Variants in GLI2 observed in about 807,000 individuals in gnomAD.
The protein encoded by GLI2 is GLI family zinc finger 2.
In GLI2, 22 loss-of-function variants were observed where a neutral mutation model predicts 78.9. The ratio of observed to expected loss-of-function variants is 0.28; its 90% confidence interval spans 0.20 to 0.40. The LOEUF is 0.40. Ranked by LOEUF, GLI2 falls within the 10% of genes least tolerant of loss-of-function variation. The probability of loss-of-function intolerance (pLI) is 1.00; values close to 1 mark genes in which losing one functional copy is unlikely to be tolerated. For missense variants in GLI2, 2,097 were observed against 2,213.2 expected, an observed-to-expected ratio of 0.95 and a Z score of 1.05; for synonymous variants, 974 against 963.7, an observed-to-expected ratio of 1.01 and a Z score of -0.20.
rs1377543105 is a variant in GLI2, at chr2:120,797,401, C to T, written c.81C>T (p.Asp27=). The change falls in exon 2 of 14, where the codon GAC becomes GAT. Residue 27 remains aspartate, a synonymous_variant. Coordinates refer to ENST00000361492, the MANE Select transcript of GLI2 (RefSeq NM_001374353.1). ...SGILEAAGFP[D]PGKKASPLVV... ...TCCTGGAGGCCGCTGGCTTCCCCGA[C>T]CCGGGTAAAAAGGCCTCTCCTTTGG... 1.9e-6 allele frequency: 3 copies of T among 1,613,834 alleles called. No homozygotes were observed. The highest frequency in any genetic ancestry group is 2.2e-5 in the East Asian group (1 of 44,874).
intron 2 of GLI2, among the ~76,000 whole-genome samples, chr2:120,854,121 G>T (rs1003423863): frequency 3.9e-5 from 6 of 152,190 alleles, no homozygotes; most frequent in African/African-American, 1.4e-4. Flanking sequence ...AGCCAAGAGT[G>T]TAGGAGTTAC....
At chr2:120,767,800 C>T (rs534215607) in intron 1 of GLI2, among the ~76,000 whole-genome samples, 9 of 152,358 alleles carry the variant, frequency 5.9e-5, no homozygotes, top group African/African-American at 1.9e-4. Flanking sequence ...TTGGCAAGTT[C>T]TTTGCCTGTC....
chr2:120,834,592 G>A lies in GLI2; in HGVS notation c.148+37124G>A, dbSNP rs1042065001. 2.6e-5 allele frequency among the ~76,000 whole-genome samples: 4 copies of A among 152,156 alleles called. No homozygotes were observed. In the South Asian group the frequency reaches 6.2e-4, roughly 24 times the overall value. ...GAGGGGCTGCCTTCCCTCAGTCATC[G>A]AAGCCCCAGATGTGAGAACATTAGA... On this transcript the variant is annotated intron_variant, in intron 2 of 13. Transcript: ENST00000361492.
At chr2:120,930,632 G>C (rs1490894147) in intron 3 of GLI2, among the ~76,000 whole-genome samples, 1 of 152,248 alleles carries the variant, frequency 6.6e-6, no homozygotes, top group Non-Finnish European at 1.5e-5. Context: ...CTGGGAGTCT[G>C]TTGTGGGTAC....
Position 120,990,707 on chromosome 2 carries a change from G to T in GLI2, c.*32G>T. The T allele has an allele frequency of 6.3e-7, 1 of 1,581,046 alleles. No homozygotes were observed. ...GAGCGCCTGGTGCTGAGTGCACCCG[G>T]AGGGGTCATCGCTGCCCAGAGCCTG... On this transcript the variant is annotated 3_prime_UTR_variant, in exon 14 of 14. Coordinates refer to ENST00000361492, the MANE Select transcript of GLI2 (RefSeq NM_001374353.1).
intron 2 of GLI2, among the ~76,000 whole-genome samples, chr2:120,894,208 C>T (rs1472417770): frequency 6.6e-6 from 1 of 152,240 alleles, no homozygotes; most frequent in African/African-American, 2.4e-5. Flanking sequence ...TGGTTCTTCC[C>T]AAGCAATTGT....
chr2:120,886,837 G>T (rs781126785), intron 2 of GLI2, among the ~76,000 whole-genome samples: 30 of 152,230 alleles, frequency 2.0e-4, no homozygotes, highest in Non-Finnish European at 3.4e-4. Flanking sequence ...CCTTGCTGAG[G>T]CAGGAGACCC....
intron 2 of GLI2, among the ~76,000 whole-genome samples, chr2:120,911,684 A>G (rs554242723): frequency 1.3e-5 from 2 of 152,196 alleles, no homozygotes; most frequent in South Asian, 4.2e-4. Flanking sequence ...TCGTTGACTC[A>G]GAGGAAATGG....
chr2:120,952,632 G>A (rs772700828), intron 4 of GLI2, among the ~76,000 whole-genome samples: 3 of 152,222 alleles, frequency 2.0e-5, no homozygotes, highest in Non-Finnish European at 2.9e-5. Flanking sequence ...TAGCCAGGGG[G>A]CTTGAAAATG....
chr2:120,758,441 C>G (rs1683102374), intron 1 of GLI2, among the ~76,000 whole-genome samples: 1 of 152,214 alleles, frequency 6.6e-6, no homozygotes, highest in African/African-American at 2.4e-5. Context: ...CTGGCTTCCT[C>G]CCCCTGACCG....
At chr2:120,793,927 C>T (rs1490754770) in intron 1 of GLI2, among the ~76,000 whole-genome samples, 1 of 152,228 alleles carries the variant, frequency 6.6e-6, no homozygotes, top group Non-Finnish European at 1.5e-5. Flanking sequence ...GGGGCCTCAG[C>T]TTCCTCCCCT....
At chr2:120,815,175 C>T (rs915524629) in intron 2 of GLI2, among the ~76,000 whole-genome samples, 11 of 152,102 alleles carry the variant, frequency 7.2e-5, no homozygotes, top group Non-Finnish European at 1.0e-4. Context: ...TCTTGCTGAC[C>T]GCTGTAAAGA....
chr2:120,817,606 T>C (rs1383866048), intron 2 of GLI2, among the ~76,000 whole-genome samples: 1 of 152,148 alleles, frequency 6.6e-6, no homozygotes, highest in Non-Finnish European at 1.5e-5. Context: ...TTGTCCTGAG[T>C]GCTCTTCTCT....
At position 120,928,919 on chromosome 2, in the gene GLI2, C is replaced by G. The variant is rs186456361; in HGVS notation, c.254+1453C>G. Among the ~76,000 whole-genome samples the G allele has an allele frequency of 3.7e-3, 560 of 152,338 alleles. 12 individuals carry two copies. The highest frequency in any genetic ancestry group is 5.2e-3 in the East Asian group (27 of 5,196). On this transcript the variant is annotated intron_variant, in intron 3 of 13. Coordinates refer to ENST00000361492, the MANE Select transcript of GLI2 (RefSeq NM_001374353.1). ...CTCTTCACTCACCCACAGAGCTTAT[C>G]CAGATTTGCTCAGTTGCCCACTAGT...
At chr2:120,773,839 G>A (rs1280285947) in intron 1 of GLI2, among the ~76,000 whole-genome samples, 1 of 152,010 alleles carries the variant, frequency 6.6e-6, no homozygotes, top group African/African-American at 2.4e-5. Flanking sequence ...GGAGCTTGCT[G>A]GGTTGTGCCT....
rs1304344797 is a variant in GLI2 at position 120,735,880 on chromosome 2, C to T, written c.-436C>T. Among the ~76,000 whole-genome samples, 1 of 151,910 alleles carries T rather than the reference C, an allele frequency of 6.6e-6. No individual in the cohort carries two copies. The highest frequency in any genetic ancestry group is 6.6e-5 in the Admixed American group (1 of 15,258). ...GCAGTCCGGCGGCGCTGATGGATTG[C>T]AGAAGTGCCGGCGCTTGCCAGCCGA... is the stretch of plus-strand genomic sequence containing the variant. On this transcript the variant is annotated 5_prime_UTR_variant, in exon 1 of 14. Transcript: ENST00000361492.
intron 1 of GLI2, among the ~76,000 whole-genome samples, chr2:120,788,374 C>G (rs1443152231): frequency 6.6e-6 from 1 of 152,214 alleles, no homozygotes; most frequent in Non-Finnish European, 1.5e-5. Flanking sequence ...CTCGGTAGAG[C>G]AGAGGGAAGA....
chr2:120,932,321 C>G (rs1421453226), intron 3 of GLI2, among the ~76,000 whole-genome samples: 4 of 152,180 alleles, frequency 2.6e-5, no homozygotes, highest in Non-Finnish European at 4.4e-5. Context: ...GTGCCCGCCC[C>G]TCAGCCCTTG....
At chr2:120,890,484 C>A (rs1474522539) in intron 2 of GLI2, among the ~76,000 whole-genome samples, 1 of 152,088 alleles carries the variant, frequency 6.6e-6, no homozygotes, top group Non-Finnish European at 1.5e-5. Flanking sequence ...AATGCATACA[C>A]ATTCACATAC....
Sources: gnomAD v4.1 joint callset for allele counts (sites outside exome capture counted in the v4.1 genomes callset) on GRCh38, gnomAD v4.1.1 for gene constraint, MANE v1.5 for transcripts, NCBI Gene and HGNC (gene_info 2026-07-23, HGNC 2026-07-21) for gene names.